The following LMF1 variants were observed in gnomAD, a reference collection of about 807,000 sequenced individuals.
LMF1 encodes the protein lipase maturation factor 1.
Under a neutral mutation model 60.6 loss-of-function variants are expected in LMF1, and 68 were observed. That is an observed-to-expected ratio of 1.12 (90% CI 0.92 to 1.37). The LOEUF (loss-of-function observed/expected upper bound fraction) is 1.37. LMF1 is among the 40% of genes most tolerant of loss of function. LMF1 has a pLI of 0.00. For synonymous variants in LMF1, 418 were observed against 324.7 expected (o/e 1.29, Z -3.09); for missense variants, 948 against 767.2 (o/e 1.24, Z -2.78).
intron 2 of LMF1, among the ~76,000 whole-genome samples, chr16:951,725 C>G (rs992978474): frequency 3.9e-5 from 6 of 152,190 alleles, no homozygotes; most frequent in African/African-American, 1.4e-4. Flanking sequence ...GCTCATGACT[C>G]CTGCAGACCC....
At chr16:914,084 C>T (rs1047827229) in intron 3 of LMF1, among the ~76,000 whole-genome samples, 1 of 152,144 alleles carries the variant, frequency 6.6e-6, no homozygotes, top group Non-Finnish European at 1.5e-5. Flanking sequence ...GCTGCAGCTA[C>T]ACGCACGGTC....
At chr16:977,391 G>T (rs1308457710) in intron 1 of LMF1, among the ~76,000 whole-genome samples, 1 of 152,182 alleles carries the variant, frequency 6.6e-6, no homozygotes, top group African/African-American at 2.4e-5. Context: ...CCCGTCCGGG[G>T]GCGGGGCCTT....
At position 939,334 on chromosome 16, in the gene LMF1, C is replaced by T. The variant is rs553523008; in HGVS notation, c.504-5080G>A. Among the ~76,000 whole-genome samples, 95 of 152,354 alleles carry T rather than the reference C, an allele frequency of 6.2e-4. 1 individual carries two copies. The highest frequency in any genetic ancestry group is 2.3e-3 in the African/African-American group (94 of 41,580). On this transcript the variant is annotated intron_variant, in intron 2 of 10. Coordinates refer to ENST00000262301, the MANE Select transcript of LMF1 (RefSeq NM_022773.4). ...CACACCCTGACCCAGCAGCCCACCT[C>T]AGGAGCTAGTTCACACAGTAAGTCA...
intron 5 of LMF1, among the ~76,000 whole-genome samples, chr16:888,774 G>C (rs987287058): frequency 6.6e-6 from 1 of 152,172 alleles, no homozygotes; most frequent in South Asian, 2.1e-4. Flanking sequence ...TGTGTGGGGA[G>C]AGCGAGGACA....
intron 10 of LMF1, among the ~76,000 whole-genome samples, chr16:858,403 A>C (rs1596827084): frequency 3.8e-5 from 1 of 26,342 alleles, no homozygotes. Flanking sequence ...GACGGGTGTG[A>C]GTGGTGTCAC....
chr16:959,914 G>A (rs549445479), intron 1 of LMF1, among the ~76,000 whole-genome samples: 1 of 152,218 alleles, frequency 6.6e-6, no homozygotes, highest in Non-Finnish European at 1.5e-5. Flanking sequence ...CCGTGTGCCA[G>A]GTGAGAGTCA....
At chr16:937,519 C>CTGA (rs1193942274) in intron 2 of LMF1, among the ~76,000 whole-genome samples, 6 of 148,388 alleles carry the variant, frequency 4.0e-5, no homozygotes, top group Admixed American at 2.0e-4. Context: ...TCTCTGTTGA[C>CTGA]CGACAGGCTG....
At chr16:870,643 C>T (rs1294868392) in intron 8 of LMF1, 86 bp downstream of exon 8, 5 of 1,493,870 alleles carry the variant, frequency 3.3e-6, no homozygotes, top group East Asian at 4.5e-5. Context: ...TGGGGGCCTG[C>T]ACTGTAACCC....
At chr16:889,770 T>C (rs2070424436) in intron 5 of LMF1, among the ~76,000 whole-genome samples, 1 of 152,070 alleles carries the variant, frequency 6.6e-6, no homozygotes, top group Admixed American at 6.5e-5. Flanking sequence ...GGAGAGAGGA[T>C]TCACGCAGGG....
chr16:951,053 AATG>A (rs1381318391), intron 2 of LMF1, among the ~76,000 whole-genome samples: 15,031 of 116,132 alleles, frequency 0.13, 5,205 homozygotes, highest in African/African-American at 0.21. Context: ...AGAGTCAGCC[AATG>A]ACAGAGTCAG....
Position 871,182 on chromosome 16 carries a change from C to A in LMF1, c.1057G>T (p.Ala353Ser), listed in dbSNP as rs778245767. The A allele has an allele frequency of 4.4e-6, 7 of 1,604,892 alleles. No homozygotes were observed. Among genetic ancestry groups the A allele is most frequent in the Non-Finnish European group, 5.1e-6 (6 of 1,176,438 alleles). The change falls in exon 7 of 11, where the codon GCC becomes TCC. Residue 353 changes from alanine to serine, a missense_variant. Coordinates refer to ENST00000262301, the MANE Select transcript of LMF1 (RefSeq NM_022773.4). ...CTACCGAATCTGGGCTCGGGCCGGGCCCCTCGGATGTCCCTCTGCATCTGC... is the reference window on the plus strand; with the variant it reads ...CTACCGAATCTGGGCTCGGGCCGGGACCCTCGGATGTCCCTCTGCATCTGC... ...VLQMQRDIRG[A>S]RPEPRFGSVV... is the part of the protein sequence containing the mutation.
intron 10 of LMF1, 27 bp from the exon 11 acceptor site, chr16:854,733 G>A (rs1386300542): frequency 5.8e-6 from 9 of 1,559,950 alleles, no homozygotes; most frequent in African/African-American, 1.4e-5. Context: ...GTCAGCCCAG[G>A]GCCTGCTGGG....
intron 5 of LMF1, among the ~76,000 whole-genome samples, chr16:884,396 G>C (rs968371104): frequency 6.6e-6 from 1 of 152,230 alleles, no homozygotes; most frequent in Non-Finnish European, 1.5e-5. Context: ...AATGAGACGA[G>C]AGTAGAGTAC....
At position 949,664 on chromosome 16, in the gene LMF1, CGACAGAGTCAGCCAAT is replaced by C. The variant is rs1304165732; in HGVS notation, c.503+4677_503+4692del. On this transcript the variant is annotated intron_variant, in intron 2 of 10. Coordinates refer to ENST00000262301, the MANE Select transcript of LMF1 (RefSeq NM_022773.4). ...CAGCCAATGACAGAGTCAGAGCCAA[CGACAGAGTCAGCCAAT>C]GACAGAGTCAGAGACAACGACAGAG... Among the ~76,000 whole-genome samples the C allele has an allele frequency of 7.4e-3, 674 of 90,796 alleles. 139 individuals are homozygous for C. The highest frequency in any genetic ancestry group is 0.017 in the African/African-American group (254 of 15,218). 59.6% of individuals were successfully genotyped at this position (90,796 alleles called of 152,430 possible).
chr16:967,060 G>A (rs12927041), intron 1 of LMF1, among the ~76,000 whole-genome samples: 28,183 of 152,190 alleles, frequency 0.19, 2,886 homozygotes, highest in South Asian at 0.33. Context: ...CTGCAAGGCT[G>A]TCCTTCCCCC....
chr16:974,467 G>C (rs1292180847), upstream of LMF1, among the ~76,000 whole-genome samples: 3 of 152,208 alleles, frequency 2.0e-5, no homozygotes, highest in Non-Finnish European at 4.4e-5. Flanking sequence ...GAGTGGAGAT[G>C]AGGCTCGGCC....
At chr16:900,686 T>TGC (rs2070785314) in intron 4 of LMF1, 1 of 73,862 alleles carries the variant, frequency 1.4e-5, no homozygotes, top group African/African-American at 7.4e-5. Context: ...TTTTTATGTG[T>TGC]GTGTGTGTGT....
chr16:920,802 C>T (rs1231488127), intron 3 of LMF1, among the ~76,000 whole-genome samples: 2 of 152,210 alleles, frequency 1.3e-5, no homozygotes, highest in Admixed American at 6.5e-5. Context: ...TACACTGGAA[C>T]GTCAGGAATG....
chr16:884,863 T>G (rs2070261918), intron 5 of LMF1: 1 of 139,660 alleles, frequency 7.2e-6, no homozygotes, highest in South Asian at 2.4e-4. Flanking sequence ...AATGGTGATA[T>G]TAGGTAGAGG....
Sources: gnomAD v4.1 joint callset for allele counts (sites outside exome capture counted in the v4.1 genomes callset) on GRCh38, gnomAD v4.1.1 for gene constraint, MANE v1.5 for transcripts, NCBI Gene and HGNC (gene_info 2026-07-23, HGNC 2026-07-21) for gene names.